The following RBKS variants were observed in gnomAD, a reference collection of about 807,000 sequenced individuals.
RBKS encodes the protein ribokinase.
RBKS carries 33 observed loss-of-function variants against 33.9 expected under a neutral mutation model. The ratio of observed to expected loss-of-function variants is 0.97; its 90% CI spans 0.74 to 1.30. The LOEUF (loss-of-function observed/expected upper bound fraction) is 1.30, where lower values mean the gene tolerates loss of function less well. Ranked by LOEUF, RBKS falls within the 50% of genes most tolerant of loss-of-function variation. The pLI, the probability that RBKS is intolerant of heterozygous loss-of-function variation, is 0.00. For missense variants in RBKS, 361 were observed against 392.6 expected (o/e 0.92, Z 0.68); for synonymous variants, 125 against 143.0 (o/e 0.87, Z 0.90).
In RBKS at chr2:27,890,356, T is replaced by A. The variant is rs761807527; in HGVS notation, c.-11A>T. 1 of 1,612,170 alleles carries A rather than the reference T, an allele frequency of 6.2e-7. No individual in the cohort carries two copies. Among genetic ancestry groups the A allele is most frequent in the South Asian group, 1.1e-5 (1 of 90,968 alleles). ...CCCAGACGCCGCCATCGCTCAAAGG[T>A]GCTGCTGTCCAACCTGGACGGTGAC... On this transcript the variant is annotated 5_prime_UTR_variant, in exon 1 of 8. Transcript: ENST00000302188. This position sits in a 1 kb window ranked among gnomAD's most constrained non-coding sequence, Gnocchi z 4.8.
intron 1 of RBKS, among the ~76,000 whole-genome samples, chr2:27,874,994 T>C (rs962074232): frequency 6.6e-5 from 10 of 152,224 alleles, no homozygotes; most frequent in African/African-American, 2.4e-4. Flanking sequence ...GTTTAAAATC[T>C]TAAGGAGTGT....
At chr2:27,857,198 T>G (rs555541609) in intron 2 of RBKS, among the ~76,000 whole-genome samples, 1 of 152,344 alleles carries the variant, frequency 6.6e-6, no homozygotes, top group African/African-American at 2.4e-5. Context: ...TGGTAAAATC[T>G]ACATAGTTCA....
At chr2:27,888,628 ACC>A (rs1664605551) in intron 1 of RBKS, among the ~76,000 whole-genome samples, 3 of 152,110 alleles carry the variant, frequency 2.0e-5, no homozygotes, top group Non-Finnish European at 2.9e-5. Context: ...GTACCATATA[ACC>A]TTTTCTTGAA....
intron 7 of RBKS, among the ~76,000 whole-genome samples, chr2:27,809,052 G>A (rs1677943605): frequency 1.3e-5 from 2 of 152,270 alleles, no homozygotes; most frequent in Admixed American, 6.5e-5. Flanking sequence ...AATTGTCCCT[G>A]AGTCAATATG....
intron 7 of RBKS, among the ~76,000 whole-genome samples, chr2:27,802,134 C>T (rs1164388487): frequency 1.3e-5 from 2 of 149,970 alleles, no homozygotes; most frequent in Non-Finnish European, 3.0e-5. Flanking sequence ...CACTGTGCCC[C>T]ACCACCATAC....
At chr2:27,860,250 A>C (rs1196633626) in intron 1 of RBKS, among the ~76,000 whole-genome samples, 1 of 152,224 alleles carries the variant, frequency 6.6e-6, no homozygotes, top group Non-Finnish European at 1.5e-5. Flanking sequence ...TAGCAATGAC[A>C]AGTGATGATG....
At chr2:27,888,932 T>TCC (rs1664625442) in intron 1 of RBKS, among the ~76,000 whole-genome samples, 2 of 152,248 alleles carry the variant, frequency 1.3e-5, no homozygotes, top group Non-Finnish European at 2.9e-5. Flanking sequence ...CTAGATTCAA[T>TCC]TTTATGCTCT....
chr2:27,791,604 TAATA>T (rs769342637), intron 7 of RBKS, among the ~76,000 whole-genome samples: 3 of 140,192 alleles, frequency 2.1e-5, no homozygotes, highest in Non-Finnish European at 4.5e-5. Context: ...TCAATTCCCA[TAATA>T]AATCTACACA....
intron 7 of RBKS, among the ~76,000 whole-genome samples, chr2:27,813,422 A>G (rs1678029243): frequency 6.6e-6 from 1 of 152,226 alleles, no homozygotes; most frequent in South Asian, 2.1e-4. Context: ...GAAAGAATGG[A>G]CAGGTTTGAG....
intron 5 of RBKS, among the ~76,000 whole-genome samples, chr2:27,833,886 T>G (rs1317653573): frequency 6.6e-6 from 1 of 152,246 alleles, no homozygotes; most frequent in Non-Finnish European, 1.5e-5. Context: ...ACTTGCGTGT[T>G]AAGTAGTCTC....
In RBKS at chr2:27,832,852, A is replaced by G. The variant is rs566837008; in HGVS notation, c.515-75T>C. On this transcript the variant is annotated intron_variant, in intron 5 of 7. Coordinates refer to ENST00000302188, the MANE Select transcript of RBKS (RefSeq NM_022128.3). The stretch of plus-strand genomic sequence containing the variant: ...GGTGCATTTACAGACAACATTCAGT[A>G]GGGAAAATCCCCGAGTTCGTTTTTG... 212 of 965,640 alleles carry G rather than the reference A, an allele frequency of 2.2e-4. No homozygotes were observed. The African/African-American group carries it at 3.1e-3, about 14-fold the overall frequency. 59.8% of individuals were successfully genotyped at this position (965,640 alleles called of 1,614,324 possible). A position where few individuals can be genotyped will look rare whatever the true frequency, so the allele number is the denominator to read the frequency against.
intron 7 of RBKS, among the ~76,000 whole-genome samples, chr2:27,789,971 A>ATATATG (rs1457091459): frequency 3.1e-5 from 4 of 128,614 alleles, no homozygotes; most frequent in African/African-American, 9.4e-5. Context: ...ATATATATAT[A>ATATATG]TGTATATATA....
chr2:27,805,814 A>G (rs186717553), intron 7 of RBKS, among the ~76,000 whole-genome samples: 2 of 152,152 alleles, frequency 1.3e-5, no homozygotes, highest in Middle Eastern at 3.4e-3. Flanking sequence ...ACCTCAAGTA[A>G]TCCACCCACA....
At chr2:27,870,672 C>T (rs1199584764) in intron 1 of RBKS, 1 of 405,368 alleles carries the variant, frequency 2.5e-6, no homozygotes, top group East Asian at 7.3e-5. Flanking sequence ...CTATGGATGA[C>T]ATGGTGTGTA....
At chr2:27,801,930 C>A in intron 7 of RBKS, among the ~76,000 whole-genome samples, 1 of 118,194 alleles carries the variant, frequency 8.5e-6, no homozygotes, top group Non-Finnish European at 1.6e-5. Flanking sequence ...CCTCCTGTCT[C>A]AGTTTCCCGA....
intron 7 of RBKS, among the ~76,000 whole-genome samples, chr2:27,811,554 C>T (rs1279433103): frequency 1.3e-5 from 2 of 152,158 alleles, no homozygotes; most frequent in Non-Finnish European, 2.9e-5. Context: ...AGCCTGAGGA[C>T]CTTGACTGTG....
intron 7 of RBKS, among the ~76,000 whole-genome samples, chr2:27,820,660 C>G (rs1678185462): frequency 6.6e-6 from 1 of 152,002 alleles, no homozygotes; most frequent in Admixed American, 6.5e-5. Context: ...AATCCTCCTG[C>G]CTCGGCCTCC....
chr2:27,848,172 A>G, intron 2 of RBKS, 75 bp from the exon 3 acceptor site: 1 of 849,906 alleles, frequency 1.2e-6, no homozygotes, highest in South Asian at 1.6e-5. Context: ...TAGAATACTT[A>G]GCATTTTAAA....
In RBKS at chr2:27,880,736, C is replaced by T. The variant is rs558511698; in HGVS notation, c.89+9521G>A. On this transcript the variant is annotated intron_variant, in intron 1 of 7. Coordinates refer to ENST00000302188, the MANE Select transcript of RBKS (RefSeq NM_022128.3). ...AGATGAAAAATCTCTACAATGAAAA[C>T]TACAAAATATTGATTGAAGAAATCA... is the stretch of plus-strand genomic sequence containing the variant. Among the ~76,000 whole-genome samples the T allele has an allele frequency of 2.6e-5, 4 of 152,074 alleles. No individual in the cohort carries two copies. In the South Asian group the frequency reaches 8.3e-4, roughly 32 times the overall value.
Sources: allele counts gnomAD v4.1 joint callset (sites outside exome capture counted in the v4.1 genomes callset), GRCh38; gene constraint gnomAD v4.1.1; non-coding constraint Gnocchi (gnomAD v3.1); transcripts MANE v1.5; gene names NCBI Gene and HGNC (gene_info 2026-07-23, HGNC 2026-07-21).